Variants in ZFP92 observed in about 807,000 individuals in gnomAD.
ZFP92 encodes the protein zinc finger protein 92 homolog.
A neutral mutation model predicts 7.6 loss-of-function variants in ZFP92; 2 were observed. The ratio of observed to expected loss-of-function variants is 0.26; its 90% CI spans 0.11 to 0.83. ZFP92 has a LOEUF of 0.83. Ranked by LOEUF, ZFP92 falls within the 40% of genes least tolerant of loss-of-function variation. The probability of loss-of-function intolerance (pLI) is 0.65; values close to 1 mark genes in which losing one functional copy is unlikely to be tolerated. For synonymous variants in ZFP92, 226 were observed against 183.6 expected (o/e 1.23, Z -1.87); for missense variants, 324 against 408.3 (o/e 0.79, Z 1.78).
At position 153,417,271 on chromosome X, in the gene ZFP92, G is replaced by A. The variant is rs186183284; in HGVS notation, c.-18-1034G>A. Among the ~76,000 whole-genome samples, 560 of 112,256 alleles carry A rather than the reference G, an allele frequency of 5.0e-3. 2 individuals carry two copies. Among genetic ancestry groups the A allele is most frequent in the Non-Finnish European group, 8.0e-3 (427 of 53,239 alleles). On this transcript the variant is annotated intron_variant, in intron 2 of 5. Coordinates refer to ENST00000338647, the MANE Select transcript of ZFP92 (RefSeq NM_001136273.2). ...GGTCCCACGTGGTGTCATCCTCTGC[G>A]CCTGTTCCCTAATTTTCAGCACCAC...
In ZFP92 at chrX:153,425,567, T is replaced by C. The variant is rs782169396; in HGVS notation, c.*3939T>C. 3.0e-4 allele frequency: 33 copies of C among 111,716 alleles called. No individual in the cohort carries two copies. Among genetic ancestry groups the C allele is most frequent in the African/African-American group, 9.4e-4 (29 of 30,783 alleles). 9.2% of individuals were successfully genotyped at this position (111,716 alleles called of 1,213,427 possible). On this transcript the variant is annotated 3_prime_UTR_variant, in exon 6 of 6. Transcript: ENST00000338647. ...ATATAAATTATGACTACCACAGGGT[T>C]TGAATTTACACACTGACCACCACAA...
chrX:153,420,675 A>G lies in ZFP92; in HGVS notation c.298A>G (p.Thr100Ala). 1.8e-6 allele frequency: 2 copies of G among 1,121,815 alleles called. No homozygotes were observed. Among genetic ancestry groups the G allele is most frequent in the South Asian group, 2.2e-5 (1 of 46,192 alleles). The allele number at this position is 1,121,815 out of a possible 1,213,427, so 92.5% of individuals were successfully genotyped here. A position where few individuals can be genotyped will look rare whatever the true frequency, so the allele number is the denominator to read the frequency against. The change falls in exon 6 of 6, where the codon ACG becomes GCG. Residue 100 changes from threonine (T) to alanine (A), a missense_variant. Transcript: ENST00000338647. ...DRTQSKTSTS[T>A]QKHSGRQLPG... ...AACACAGAGCAAGACGTCGACTTCA[A>G]CGCAGAAGCATTCTGGACGACAACT... is the stretch of plus-strand genomic sequence containing the variant.
At chrX:153,420,536 T>C in intron 5 of ZFP92, 107 bp from the exon 6 acceptor site, 4 of 1,058,845 alleles carry the variant, frequency 3.8e-6, no homozygotes, top group Non-Finnish European at 5.0e-6. Context: ...GTGATGGCTT[T>C]CTGTTCTGTG....
intron 2 of ZFP92, among the ~76,000 whole-genome samples, chrX:153,413,444 G>A (rs1556973297): frequency 9.2e-6 from 1 of 108,129 alleles, no homozygotes; most frequent in Non-Finnish European, 1.9e-5. Context: ...TCCGCAAGCA[G>A]GGGTCCCGGG....
chrX:153,412,173 C>T (rs986087077), intron 2 of ZFP92, among the ~76,000 whole-genome samples, 160 bp downstream of exon 2: 29 of 112,596 alleles, frequency 2.6e-4, no homozygotes, highest in African/African-American at 8.4e-4. Flanking sequence ...GCTGGTGCCT[C>T]GCGGTGGTGC....
chrX:153,416,807 G>A (rs1250098783), intron 2 of ZFP92, among the ~76,000 whole-genome samples: 1 of 111,983 alleles, frequency 8.9e-6, no homozygotes, highest in Non-Finnish European at 1.9e-5. Flanking sequence ...GAAAGTTCAA[G>A]ACTGGGCGTC....
chrX:153,419,356 G>T (rs1161846334), intron 4 of ZFP92, among the ~76,000 whole-genome samples: 2 of 112,579 alleles, frequency 1.8e-5, no homozygotes, highest in African/African-American at 3.2e-5. Context: ...TGCCGGAAGG[G>T]GCAGCAATTT....
chrX:153,414,501 C>G (rs1008909456), intron 2 of ZFP92, among the ~76,000 whole-genome samples: 14 of 110,820 alleles, frequency 1.3e-4, no homozygotes, highest in African/African-American at 4.6e-4. Flanking sequence ...ACACGCGCCA[C>G]CACACCCAGC....
rs2089011986 is a variant in ZFP92, at chrX:153,422,439, C to G, written c.*811C>G. 2 of 111,736 alleles carry G rather than the reference C, an allele frequency of 1.8e-5. No individual in the cohort carries two copies. Among genetic ancestry groups the G allele is most frequent in the South Asian group, 7.5e-4 (2 of 2,659 alleles). 9.2% of individuals were successfully genotyped at this position (111,736 alleles called of 1,213,427 possible). ...AGAGAGGATAAGACCCTTCAAGTCA[C>G]TCACAATTGGACATTTGTAGCTAGC... On this transcript the variant is annotated 3_prime_UTR_variant, in exon 6 of 6. Coordinates refer to ENST00000338647, the MANE Select transcript of ZFP92 (RefSeq NM_001136273.2).
At chrX:153,417,399 A>C in intron 2 of ZFP92, among the ~76,000 whole-genome samples, 1 of 110,585 alleles carries the variant, frequency 9.0e-6, no homozygotes, top group African/African-American at 3.3e-5. Context: ...CCTGAATGTC[A>C]CCCCTTCAGA....
rs2089015455 is a variant in ZFP92, at chrX:153,422,842, A to G, written c.*1214A>G. 1 of 111,711 alleles carries G rather than the reference A, an allele frequency of 9.0e-6. No homozygotes were observed. The highest frequency in any genetic ancestry group is 1.9e-5 in the Non-Finnish European group (1 of 53,021). The allele number at this position is 111,711 out of a possible 1,213,427, so 9.2% of individuals were successfully genotyped here. A position where few individuals can be genotyped will look rare whatever the true frequency, so the allele number is the denominator to read the frequency against. On this transcript the variant is annotated 3_prime_UTR_variant, in exon 6 of 6. Transcript: ENST00000338647. Reference sequence around the variant, plus strand: ...TGCCATATCAGAGTATCAGGGATTCACTCCCTAAATAAGAGTCCCCCCAGC... The same window carrying G: ...TGCCATATCAGAGTATCAGGGATTCGCTCCCTAAATAAGAGTCCCCCCAGC...
Position 153,420,801 on chromosome X carries a change from C to T in ZFP92, c.424C>T (p.Pro142Ser). Residue 142 changes from proline to serine, a missense_variant, in exon 6 of 6, where the codon CCG becomes TCG. Physicochemically the swap from Pro to Ser is moderately conservative, Grantham distance 74 (BLOSUM62 -1). Transcript: ENST00000338647. The stretch of plus-strand genomic sequence containing the variant: ...CTTGGGGCAGAGTTCGGCTGCGGGG[C>T]CGCAGGGCCCCAAAGGCGCGGAGAA... ...QGLGQSSAAG[P>S]QGPKGAEKRY... 1 of 1,168,917 alleles carries T rather than the reference C, an allele frequency of 8.6e-7. No individual in the cohort carries two copies.
At position 153,420,155 on chromosome X, in the gene ZFP92, G is replaced by A. The variant is rs782673455; in HGVS notation, c.161-73G>A. ...ATTCTCTGTTACCTGAAGATATTGA[G>A]AATTGCCTGAGTTCAGGAGCGACCC... On this transcript the variant is annotated intron_variant, in intron 4 of 5. Transcript: ENST00000338647. The A allele has an allele frequency of 5.9e-5, 46 of 775,097 alleles. 1 individual carries two copies. In the Admixed American group the frequency reaches 1.2e-3, roughly 20 times the overall value. The allele number at this position is 775,097 out of a possible 1,213,427, so 63.9% of individuals were successfully genotyped here. A position where few individuals can be genotyped will look rare whatever the true frequency, so the allele number is the denominator to read the frequency against.
chrX:153,411,959 T>A lies in ZFP92; in HGVS notation c.-67-6T>A, dbSNP rs1469044959. Among the ~76,000 whole-genome samples, 1 of 112,651 alleles carries A rather than the reference T, an allele frequency of 8.9e-6. No homozygotes were observed. Reference sequence around the variant, plus strand: ...TCTGTCAATTTCTCTCCTGATTGGTTTCCAGCCACCGGTCCCGAGGCTGGC... The same window carrying A: ...TCTGTCAATTTCTCTCCTGATTGGTATCCAGCCACCGGTCCCGAGGCTGGC... On this transcript the variant is annotated splice_polypyrimidine_tract_variant and splice_region_variant and intron_variant, in intron 1 of 5. Coordinates refer to ENST00000338647, the MANE Select transcript of ZFP92 (RefSeq NM_001136273.2).
At position 153,418,543 on chromosome X, in the gene ZFP92, T is replaced by G; in HGVS notation, c.34-130T>G. 3 of 1,004,640 alleles carry G rather than the reference T, an allele frequency of 3.0e-6. No homozygotes were observed. The South Asian group carries it at 7.1e-5, about 24-fold the overall frequency. 82.8% of individuals were successfully genotyped at this position (1,004,640 alleles called of 1,213,427 possible). On this transcript the variant is annotated intron_variant, in intron 3 of 5. Coordinates refer to ENST00000338647, the MANE Select transcript of ZFP92 (RefSeq NM_001136273.2). ...GCCTGTTTTTCTGTCTTACAACTCG[T>G]GCAACCCGAGTCTTTCCACCTGCTG...
chrX:153,413,933 C>T (rs1378340770), intron 2 of ZFP92, among the ~76,000 whole-genome samples: 1 of 112,310 alleles, frequency 8.9e-6, no homozygotes, highest in African/African-American at 3.2e-5. Flanking sequence ...CACTTGAGTG[C>T]GGGTCTCCGT....
At chrX:153,417,088 C>A (rs182489390) in intron 2 of ZFP92, among the ~76,000 whole-genome samples, 1 of 112,378 alleles carries the variant, frequency 8.9e-6, no homozygotes, top group East Asian at 2.8e-4. Flanking sequence ...TGCAACGTGA[C>A]GTGTGGAGAC....
rs782254488 is a variant in ZFP92, at chrX:153,421,244, G to A, written c.867G>A (p.Glu289=). Residue 289 remains glutamate (E), a synonymous_variant, in exon 6 of 6, where the codon GAG becomes GAA. Transcript: ENST00000338647. ...AGCACCAGCGCACGCACCGCGGCGA[G>A]AAGCCCTACGCCTGCGGCCAGTGCG... ...LIEHQRTHRG[E]KPYACGQCAK... 4.1e-5 allele frequency: 48 copies of A among 1,177,145 alleles called. No homozygotes were observed. The Admixed American group carries it at 6.4e-4, about 16-fold the overall frequency.
chrX:153,420,250 C>T lies in ZFP92; in HGVS notation c.183C>T (p.His61=), dbSNP rs1202458423. 58 of 1,166,134 alleles carry T rather than the reference C, an allele frequency of 5.0e-5. No homozygotes were observed. Among genetic ancestry groups the T allele is most frequent in the Non-Finnish European group, 5.7e-5 (50 of 872,617 alleles). Residue 61 remains histidine, a synonymous_variant, in exon 5 of 6, where the codon CAC becomes CAT. Coordinates refer to ENST00000338647, the MANE Select transcript of ZFP92 (RefSeq NM_001136273.2). ...VSLGFSFSKP[H]LISQLERGEG... ...CAGGATTTTCCTTCTCCAAGCCTCACCTGATCTCCCAATTGGAACGAGGGG... is the reference window on the plus strand; with the variant it reads ...CAGGATTTTCCTTCTCCAAGCCTCATCTGATCTCCCAATTGGAACGAGGGG...
Sources: gnomAD v4.1 joint callset for allele counts (sites outside exome capture counted in the v4.1 genomes callset) on GRCh38, gnomAD v4.1.1 for gene constraint, MANE v1.5 for transcripts, NCBI Gene and HGNC (gene_info 2026-07-23, HGNC 2026-07-21) for gene names.